The following CPVL variants were observed in gnomAD, a reference collection of about 807,000 sequenced individuals.
The protein encoded by CPVL is probable serine carboxypeptidase CPVL.
CPVL carries 51 observed loss-of-function variants against 63.7 expected under a neutral mutation model. The observed-to-expected ratio is 0.80, with a 90% confidence interval of 0.64 to 1.01. The LOEUF is 1.01. Among genes scored for constraint, CPVL ranks in the 50% least tolerant of loss-of-function variants. The pLI, the probability that CPVL is intolerant of heterozygous loss-of-function variation, is 0.00. For synonymous variants in CPVL, 195 were observed against 206.0 expected (o/e 0.95, Z 0.46); for missense variants, 530 against 573.1 (o/e 0.92, Z 0.77).
intron 1 of CPVL, among the ~76,000 whole-genome samples, chr7:29,189,767 T>C (rs994157885): frequency 3.9e-5 from 6 of 151,918 alleles, no homozygotes; most frequent in Non-Finnish European, 7.4e-5. Context: ...AGTGCCTGCA[T>C]GTGCCGATCT....
chr7:29,034,853 GAAAAA>G (rs60558791), intron 11 of CPVL, among the ~76,000 whole-genome samples: 6 of 123,974 alleles, frequency 4.8e-5, no homozygotes, highest in Admixed American at 1.6e-4. Flanking sequence ...TTTTATAATG[GAAAAA>G]AAAAAAAAAA....
At chr7:29,109,747 G>T (rs370254050) in intron 3 of CPVL, among the ~76,000 whole-genome samples, 1 of 152,050 alleles carries the variant, frequency 6.6e-6, no homozygotes, top group South Asian at 2.1e-4. Context: ...ATTCTTTCCC[G>T]TTGTGTCTCC....
chr7:29,130,251 G>T (rs1426392902), intron 1 of CPVL, among the ~76,000 whole-genome samples: 2 of 152,202 alleles, frequency 1.3e-5, no homozygotes, highest in Admixed American at 6.5e-5. Flanking sequence ...TAGGCGTCCA[G>T]TGAAAATTCT....
intron 2 of CPVL, among the ~76,000 whole-genome samples, chr7:29,114,756 T>TCC: frequency 6.6e-6 from 1 of 152,286 alleles, no homozygotes; most frequent in South Asian, 2.1e-4. Flanking sequence ...GCATTTAACC[T>TCC]CCCTGTTCTT....
At chr7:29,125,486 C>T (rs1375984100) in intron 1 of CPVL, among the ~76,000 whole-genome samples, 2 of 150,170 alleles carry the variant, frequency 1.3e-5, no homozygotes, top group Admixed American at 6.7e-5. Flanking sequence ...TCCGCCTCCT[C>T]GGTTCAAGCG....
At chr7:29,034,854 A>G (rs1018058662) in intron 11 of CPVL, among the ~76,000 whole-genome samples, 21 of 46,290 alleles carry the variant, frequency 4.5e-4, no homozygotes, top group Admixed American at 8.4e-4. Context: ...TTTATAATGG[A>G]AAAAAAAAAA....
intron 1 of CPVL, among the ~76,000 whole-genome samples, chr7:29,124,550 T>C (rs977308602): frequency 1.3e-5 from 2 of 152,114 alleles, no homozygotes; most frequent in South Asian, 2.1e-4. Context: ...ATTTTTGATA[T>C]GGAACAAAGC....
chr7:29,065,991 A>G lies in CPVL; in HGVS notation c.963+32T>C, dbSNP rs115198560. 181 of 1,360,148 alleles carry G rather than the reference A, an allele frequency of 1.3e-4. No homozygotes were observed. The African/African-American group carries it at 2.5e-3, about 19-fold the overall frequency. 84.3% of individuals were successfully genotyped at this position (1,360,148 alleles called of 1,614,324 possible). On this transcript the variant is annotated intron_variant, in intron 10 of 12. Coordinates refer to ENST00000265394, the MANE Select transcript of CPVL (RefSeq NM_031311.5). ...TTCGGTTTTGCCAAAAGTTTTAAGC[A>G]AACATTATTATGGTTTTTAAAATGT...
At chr7:29,132,096 A>G (rs1166262789) in intron 1 of CPVL, among the ~76,000 whole-genome samples, 1 of 152,224 alleles carries the variant, frequency 6.6e-6, no homozygotes, top group East Asian at 1.9e-4. Flanking sequence ...AAGCAGTGGC[A>G]CTATTTGAGA....
At chr7:29,054,134 T>C (rs955639683) in intron 11 of CPVL, among the ~76,000 whole-genome samples, 36 of 152,072 alleles carry the variant, frequency 2.4e-4, no homozygotes, top group African/African-American at 8.0e-4. Context: ...TTACATAGCC[T>C]TAACAAATGT....
At chr7:29,149,329 A>G (rs1793258659), upstream of CPVL, among the ~76,000 whole-genome samples, 1 of 150,404 alleles carries the variant, frequency 6.6e-6, no homozygotes, top group Non-Finnish European at 1.5e-5. Context: ...GTAAGCTGGG[A>G]CTACAAGCAC....
intron 12 of CPVL, among the ~76,000 whole-genome samples, chr7:29,023,930 T>A (rs1787248529): frequency 6.6e-6 from 1 of 151,812 alleles, no homozygotes; most frequent in Non-Finnish European, 1.5e-5. Context: ...CAAACAAACA[T>A]GAAAAAGCAA....
chr7:29,005,258 G>C (rs1262684465), intron 12 of CPVL, among the ~76,000 whole-genome samples: 1 of 152,108 alleles, frequency 6.6e-6, no homozygotes, highest in Non-Finnish European at 1.5e-5. Flanking sequence ...GACTCAACCA[G>C]TGGTCACTCT....
chr7:29,134,626 T>C (rs1045654896), intron 1 of CPVL, among the ~76,000 whole-genome samples: 5 of 152,032 alleles, frequency 3.3e-5, no homozygotes, highest in Non-Finnish European at 5.9e-5. Flanking sequence ...AAAAACATAA[T>C]CTTAAGAAAT....
intron 7 of CPVL, among the ~76,000 whole-genome samples, chr7:29,075,918 AT>A (rs554659268): frequency 6.8e-6 from 1 of 146,266 alleles, no homozygotes; most frequent in African/African-American, 2.5e-5. Context: ...AAATATTGTA[AT>A]AAAATTTCAG....
intron 3 of CPVL, among the ~76,000 whole-genome samples, chr7:29,105,031 C>T (rs1172923803): frequency 1.3e-5 from 2 of 152,080 alleles, no homozygotes; most frequent in Non-Finnish European, 2.9e-5. Context: ...AAGTACGTAG[C>T]AAAGAGAAGA....
chr7:29,154,710 C>T (rs1794094120), intron 5 of CPVL, among the ~76,000 whole-genome samples: 1 of 152,070 alleles, frequency 6.6e-6, no homozygotes, highest in Non-Finnish European at 1.5e-5. Flanking sequence ...TGGCACGTAC[C>T]TGTGGTCCCA....
chr7:29,194,838 G>T, intron 1 of CPVL: 1 of 1,102,306 alleles, frequency 9.1e-7, no homozygotes. Context: ...CCAGGACTTT[G>T]CCATGGGCTG....
chr7:29,112,029 A>G (rs1299941882), intron 3 of CPVL, among the ~76,000 whole-genome samples: 1 of 152,258 alleles, frequency 6.6e-6, no homozygotes, highest in African/African-American at 2.4e-5. Context: ...GAATGGCATA[A>G]TCTAGAGGTG....
Sources: gnomAD v4.1 joint callset for allele counts (sites outside exome capture counted in the v4.1 genomes callset) on GRCh38, gnomAD v4.1.1 for gene constraint, MANE v1.5 for transcripts, NCBI Gene and HGNC (gene_info 2026-07-23, HGNC 2026-07-21) for gene names.